CTNNA3: variants seen among roughly 807,000 people sequenced by gnomAD.
CTNNA3 encodes the protein catenin alpha 3.
A neutral mutation model predicts 95.7 loss-of-function variants in CTNNA3; 76 were observed. The ratio of observed to expected loss-of-function variants is 0.79; its 90% CI spans 0.66 to 0.96. The LOEUF (loss-of-function observed/expected upper bound fraction) is 0.96. CTNNA3 is among the 40% of genes least tolerant of loss of function. The pLI, the probability that CTNNA3 is intolerant of heterozygous loss-of-function variation, is 0.00. For missense variants in CTNNA3, 1,191 were observed against 1,089.8 expected, an observed-to-expected ratio of 1.09 and a Z score of -1.31; for synonymous variants, 431 against 374.4, an observed-to-expected ratio of 1.15 and a Z score of -1.74.
At chr10:66,806,053 G>A (rs1217374020) in intron 7 of CTNNA3, among the ~76,000 whole-genome samples, 1 of 151,876 alleles carries the variant, frequency 6.6e-6, no homozygotes, top group Non-Finnish European at 1.5e-5. Flanking sequence ...AAAATTAGTT[G>A]GGAAAAAGGT....
chr10:66,641,203 A>G lies in CTNNA3; in HGVS notation c.1282-19419T>C, dbSNP rs566258239. On this transcript the variant is annotated intron_variant, in intron 9 of 17. Coordinates refer to ENST00000433211, the MANE Select transcript of CTNNA3 (RefSeq NM_013266.4). Reference sequence around the variant, plus strand: ...CTTTGAAAAATGAAGTTGTTGAGAAATGCTTTTTATGCCATATTAAATTTA... The same window carrying G: ...CTTTGAAAAATGAAGTTGTTGAGAAGTGCTTTTTATGCCATATTAAATTTA... Among the ~76,000 whole-genome samples the G allele has an allele frequency of 6.6e-5, 10 of 152,182 alleles. No homozygotes were observed. In the East Asian group the frequency reaches 1.9e-3, roughly 29 times the overall value.
chr10:67,697,762 T>C (rs1840995110), upstream of CTNNA3, among the ~76,000 whole-genome samples: 1 of 152,132 alleles, frequency 6.6e-6, no homozygotes, highest in Admixed American at 6.5e-5. Context: ...TTTTTTTAAT[T>C]CCTTCATAAA....
chr10:67,170,383 A>G (rs1267888017), intron 7 of CTNNA3, among the ~76,000 whole-genome samples: 1 of 152,230 alleles, frequency 6.6e-6, no homozygotes, highest in Non-Finnish European at 1.5e-5. Flanking sequence ...TCCATCAATG[A>G]CAGATTTGAT....
chr10:67,650,794 A>G (rs897409462), intron 1 of CTNNA3, among the ~76,000 whole-genome samples: 2 of 152,170 alleles, frequency 1.3e-5, no homozygotes, highest in African/African-American at 4.8e-5. Context: ...GTGCCCTGGC[A>G]GCAAAGGAGA....
intron 7 of CTNNA3, among the ~76,000 whole-genome samples, chr10:67,031,137 A>G (rs933644401): frequency 2.0e-5 from 3 of 152,238 alleles, no homozygotes; most frequent in Admixed American, 1.3e-4. Context: ...TTCAAAAGTA[A>G]CCTTTACTTA....
chr10:66,618,155 A>G (rs1844595229), intron 10 of CTNNA3, among the ~76,000 whole-genome samples: 1 of 152,136 alleles, frequency 6.6e-6, no homozygotes, highest in African/African-American at 2.4e-5. Flanking sequence ...TTATAGATTC[A>G]ATGCCATCCC....
Position 66,765,702 on chromosome 10 carries a change from C to A in CTNNA3, c.1281+562G>T, listed in dbSNP as rs974378439. On this transcript the variant is annotated intron_variant, in intron 9 of 17. Transcript: ENST00000433211. ...CACAGCTCCTTCAGCAATATGCTAT[C>A]CTGTTCCAAAAATCATGGTGCATTC... 1.8e-4 allele frequency among the ~76,000 whole-genome samples: 28 copies of A among 152,224 alleles called. 1 individual carries two copies. The highest frequency in any genetic ancestry group is 1.8e-3 in the Admixed American group (27 of 15,280).
chr10:67,408,073 G>C (rs1845207139), intron 5 of CTNNA3, among the ~76,000 whole-genome samples: 1 of 152,130 alleles, frequency 6.6e-6, no homozygotes, highest in South Asian at 2.1e-4. Flanking sequence ...ACAAACCACT[G>C]TTCAAAGAAA....
chr10:66,684,711 T>C (rs1293661258), intron 9 of CTNNA3, among the ~76,000 whole-genome samples: 2 of 152,140 alleles, frequency 1.3e-5, no homozygotes, highest in African/African-American at 4.8e-5. Context: ...AGGAGGTCTT[T>C]CTCTCTTAGG....
At chr10:66,281,502 T>G (rs1031070313) in intron 12 of CTNNA3, among the ~76,000 whole-genome samples, 3 of 151,820 alleles carry the variant, frequency 2.0e-5, no homozygotes, top group African/African-American at 7.2e-5. Flanking sequence ...TAATGTGTAA[T>G]TAGAGATGTG....
chr10:67,086,480 C>G (rs1417101876), intron 7 of CTNNA3, among the ~76,000 whole-genome samples: 1 of 152,000 alleles, frequency 6.6e-6, no homozygotes, highest in Non-Finnish European at 1.5e-5. Context: ...ATGTCAGCTG[C>G]TTGGGTTCAG....
chr10:66,840,362 TCTCTCTCTCTCA>T (rs1478847077), intron 7 of CTNNA3, among the ~76,000 whole-genome samples: 1,552 of 98,150 alleles, frequency 0.016, 6 homozygotes, highest in Non-Finnish European at 0.022. Flanking sequence ...TCTCTCTCTC[TCTCTCTCTCTCA>T]CACACACACA....
chr10:65,962,159 C>T (rs1042632773), intron 17 of CTNNA3, among the ~76,000 whole-genome samples: 2 of 152,012 alleles, frequency 1.3e-5, no homozygotes, highest in Admixed American at 6.6e-5. Context: ...AAATGGCATC[C>T]AACATATTTT....
chr10:67,522,975 G>C (rs1840029983), intron 4 of CTNNA3, among the ~76,000 whole-genome samples: 1 of 152,134 alleles, frequency 6.6e-6, no homozygotes, highest in African/African-American at 2.4e-5. Context: ...CTGTGACTAT[G>C]ATGCCATGAG....
rs140704782 is a variant in CTNNA3, at chr10:65,915,817, A to G, written c.*4513T>C. ...AGACTAGTGTTTTAAACTATTCTTT[A>G]TTTTGCTTTAATAGAATATATGTTT... On this transcript the variant is annotated 3_prime_UTR_variant, in exon 18 of 18. Transcript: ENST00000433211. 1 of 152,132 alleles carries G rather than the reference A, an allele frequency of 6.6e-6. No homozygotes were observed. The highest frequency in any genetic ancestry group is 1.5e-5 in the Non-Finnish European group (1 of 68,016). 9.4% of individuals were successfully genotyped at this position (152,132 alleles called of 1,614,324 possible).
intron 1 of CTNNA3, among the ~76,000 whole-genome samples, chr10:67,660,288 A>G (rs2133521549): frequency 6.6e-6 from 1 of 152,364 alleles, no homozygotes; most frequent in East Asian, 1.9e-4. Flanking sequence ...TATAGGAAAT[A>G]GATGACTTTT....
chr10:67,275,778 C>A (rs1264832018), intron 5 of CTNNA3, among the ~76,000 whole-genome samples: 1 of 152,146 alleles, frequency 6.6e-6, no homozygotes, highest in Non-Finnish European at 1.5e-5. Context: ...CCTGAGCTCT[C>A]TCCTTTTCAG....
intron 9 of CTNNA3, among the ~76,000 whole-genome samples, chr10:66,694,185 A>G (rs1241677347): frequency 6.6e-6 from 1 of 152,160 alleles, no homozygotes; most frequent in Non-Finnish European, 1.5e-5. Flanking sequence ...TGGTTTTTTG[A>G]GAGGATCAAC....
intron 15 of CTNNA3, among the ~76,000 whole-genome samples, chr10:65,994,202 G>T (rs945712362): frequency 6.6e-6 from 1 of 152,022 alleles, no homozygotes; most frequent in African/African-American, 2.4e-5. Flanking sequence ...TGTACCATTT[G>T]AGTAGTTTCT....
Sources: gnomAD v4.1 joint callset for allele counts (sites outside exome capture counted in the v4.1 genomes callset) on GRCh38, gnomAD v4.1.1 for gene constraint, MANE v1.5 for transcripts, NCBI Gene and HGNC (gene_info 2026-07-23, HGNC 2026-07-21) for gene names.